DNAH5: variants seen among roughly 807,000 people sequenced by gnomAD.
DNAH5 encodes the protein dynein axonemal heavy chain 5.
A neutral mutation model predicts 518.2 loss-of-function variants in DNAH5; 372 were observed. The observed-to-expected ratio is 0.72, with a 90% CI of 0.66 to 0.78. DNAH5 has a LOEUF of 0.78. Among genes scored for constraint, DNAH5 ranks in the 30% least tolerant of loss-of-function variants. The pLI, the probability that DNAH5 is intolerant of heterozygous loss-of-function variation, is 0.00. For synonymous variants in DNAH5, 2,039 were observed against 2,025.9 expected, an observed-to-expected ratio of 1.01 and a Z score of -0.17; for missense variants, 5,523 against 5,687.0, an observed-to-expected ratio of 0.97 and a Z score of 0.93.
chr5:13,775,546 A>G (rs532860809), intron 55 of DNAH5, among the ~76,000 whole-genome samples: 75 of 152,316 alleles, frequency 4.9e-4, no homozygotes, highest in Non-Finnish European at 1.0e-3. Context: ...AGACAGACAG[A>G]CAGACAACCT....
intron 12 of DNAH5, among the ~76,000 whole-genome samples, chr5:13,903,006 A>C (rs1408146463): frequency 6.6e-6 from 1 of 152,240 alleles, no homozygotes; most frequent in African/African-American, 2.4e-5. Context: ...GAAGGAGCAG[A>C]ATGCACAAAC....
In DNAH5 at chr5:13,692,132, A is replaced by G. The variant is rs1740775378; in HGVS notation, c.13727T>C (p.Leu4576Ser). 6.2e-7 allele frequency: 1 copy of G among 1,613,888 alleles called. No homozygotes were observed. Among genetic ancestry groups the G allele is most frequent in the African/African-American group, 1.3e-5 (1 of 74,914 alleles). ...VIRIYAENNT[L>S]RDPRFYSCPI... The stretch of plus-strand genomic sequence containing the variant: ...ACAGGAGTAAAACCGAGGATCTCGT[A>G]AAGCTACAAAAAACATAAAAGAAAA... The change falls in exon 79 of 79, where the codon TTA becomes TCA. Residue 4576 changes from leucine (L) to serine (S), a missense_variant. Transcript: ENST00000265104.
rs1173924446 is a variant in DNAH5 at position 13,753,462 on chromosome 5, T to C, written c.10643A>G (p.Lys3548Arg). 1 of 1,614,068 alleles carries C rather than the reference T, an allele frequency of 6.2e-7. No homozygotes were observed. The highest frequency in any genetic ancestry group is 1.1e-5 in the South Asian group (1 of 91,082). Residue 3548 changes from lysine (K) to arginine (R), a missense_variant, in exon 63 of 79, where the codon AAG (lysine) becomes AGG (arginine). Coordinates refer to ENST00000265104, the MANE Select transcript of DNAH5 (RefSeq NM_001369.3). Reference sequence around the variant, plus strand: ...TGGAATTTTCCGGGCTTTCATTTCCTTCCGCCAGTCATTTAACAGAAGATC... The same window carrying C: ...TGGAATTTTCCGGGCTTTCATTTCCCTCCGCCAGTCATTTAACAGAAGATC... ...FRDLLLNDWR[K>R]EMKARKIPFG...
intron 16 of DNAH5, among the ~76,000 whole-genome samples, chr5:13,893,646 T>C (rs1397443908): frequency 1.3e-5 from 2 of 152,190 alleles, no homozygotes; most frequent in African/African-American, 4.8e-5. Context: ...AACAGCCTGA[T>C]ATTCAGGTCC....
At chr5:13,870,704 T>C (rs1161369384) in intron 24 of DNAH5, 63 bp downstream of exon 24, 1 of 1,414,938 alleles carries the variant, frequency 7.1e-7, no homozygotes, top group Non-Finnish European at 9.9e-7. Flanking sequence ...CCAGTCAATA[T>C]TTCAGCTAAT....
intron 38 of DNAH5, among the ~76,000 whole-genome samples, chr5:13,825,760 G>A (rs1264493175): frequency 6.6e-6 from 1 of 152,146 alleles, no homozygotes; most frequent in African/African-American, 2.4e-5. Flanking sequence ...AGTTTTTCAA[G>A]ATGAAAAAGT....
chr5:13,817,733 G>C (rs1441558875), intron 41 of DNAH5, 39 bp from the exon 42 acceptor site: 1 of 1,605,132 alleles, frequency 6.2e-7, no homozygotes, highest in East Asian at 2.2e-5. Context: ...ATCTCAGATG[G>C]GAAGTGAACC....
intron 52 of DNAH5, among the ~76,000 whole-genome samples, chr5:13,783,305 T>C (rs1248823952): frequency 6.6e-6 from 1 of 152,118 alleles, no homozygotes. Context: ...TTAGGGCTTA[T>C]TTGGGGGACT....
intron 31 of DNAH5, among the ~76,000 whole-genome samples, chr5:13,846,524 C>T (rs1580552823): frequency 6.6e-6 from 1 of 152,258 alleles, no homozygotes; most frequent in African/African-American, 2.4e-5. Flanking sequence ...CTGCTGGACT[C>T]GTTTTGCTGA....
chr5:13,922,261 G>C lies in DNAH5; in HGVS notation c.506C>G (p.Ser169Trp). The change falls in exon 5 of 79, where the codon TCG becomes TGG. Residue 169 changes from serine (S) to tryptophan (W), a missense_variant. By Grantham distance (177) the Ser-to-Trp change is radical. This residue lies in a region of DNAH5 where 5,121 missense variants were observed against 5,223.3 expected (regional missense o/e 0.98). Transcript: ENST00000265104. ...TCTGAGAGCAGGAATGAAGATGTCC[G>C]ACAGCAAACGTCTCACACTGTTGAG... ...GLLNSVRRLL[S>W]DIFIPALRAT... The C allele has an allele frequency of 6.2e-7, 1 of 1,613,792 alleles. No individual in the cohort carries two copies. The highest frequency in any genetic ancestry group is 8.5e-7 in the Non-Finnish European group (1 of 1,179,900).
intron 47 of DNAH5, among the ~76,000 whole-genome samples, chr5:13,802,015 A>G (rs572801610): frequency 1.3e-5 from 2 of 152,226 alleles, no homozygotes; most frequent in African/African-American, 2.4e-5. Flanking sequence ...ATATTGATTT[A>G]GATGAGTGAT....
Position 13,909,528 on chromosome 5 carries a change from G to A in DNAH5, c.1644+1858C>T, listed in dbSNP as rs1419219363. ...AGCCTTTCCTAACCCCAGCCAAGCA[G>A]AAGTATCAGATTATCTTTCCCTAGG... On this transcript the variant is annotated intron_variant, in intron 12 of 78. Coordinates refer to ENST00000265104, the MANE Select transcript of DNAH5 (RefSeq NM_001369.3). 2.0e-5 allele frequency among the ~76,000 whole-genome samples: 3 copies of A among 152,092 alleles called. No individual in the cohort carries two copies. In the East Asian group the frequency reaches 5.8e-4, roughly 30 times the overall value.
intron 76 of DNAH5, among the ~76,000 whole-genome samples, chr5:13,705,195 C>T (rs977995403): frequency 1.3e-5 from 2 of 151,990 alleles, no homozygotes; most frequent in African/African-American, 2.4e-5. Context: ...GGGGTTTCAC[C>T]GTGCTAGCCA....
At chr5:13,901,684 A>T (rs2151963601) in intron 13 of DNAH5, 111 bp from the exon 14 acceptor site, 1 of 686,950 alleles carries the variant, frequency 1.5e-6, no homozygotes, top group South Asian at 2.5e-5. Context: ...TAAAATGCTA[A>T]TGGAAAAGAA....
intron 34 of DNAH5, among the ~76,000 whole-genome samples, chr5:13,839,995 C>T (rs147747005): frequency 1.3e-5 from 2 of 152,166 alleles, no homozygotes; most frequent in African/African-American, 2.4e-5. Context: ...AGAATTACAT[C>T]GGGCCAAAAT....
chr5:13,749,847 G>T (rs767342422), intron 65 of DNAH5, among the ~76,000 whole-genome samples: 1 of 152,130 alleles, frequency 6.6e-6, no homozygotes, highest in Non-Finnish European at 1.5e-5. Context: ...CCTCTATTGA[G>T]ATTTAACTCG....
rs1580544800 is a variant in DNAH5, at chr5:13,845,145, AT to A, written c.5115-153del. 29 of 737,208 alleles carry A rather than the reference AT, an allele frequency of 3.9e-5. 1 individual carries two copies. In the East Asian group the frequency reaches 7.6e-4, roughly 19 times the overall value. 45.7% of individuals were successfully genotyped at this position (737,208 alleles called of 1,614,324 possible). ...ACTTCTCACTGTTTTTAATTTTTCA[AT>A]TTTTTAAGAATGTTTTCAAATAACA... On this transcript the variant is annotated intron_variant, in intron 31 of 78. Coordinates refer to ENST00000265104, the MANE Select transcript of DNAH5 (RefSeq NM_001369.3).
chr5:13,894,772 A>G lies in DNAH5; in HGVS notation c.2309T>C (p.Ile770Thr), dbSNP rs1259505136. The change falls in exon 16 of 79, where the codon ATT becomes ACT. Residue 770 changes from isoleucine (I) to threonine (T), a missense_variant. Coordinates refer to ENST00000265104, the MANE Select transcript of DNAH5 (RefSeq NM_001369.3). ...CAAGTGAGGGACAATCAATTGCTCA[A>G]TGGCAGCAGGTATTTTTGACTTCAC... is the stretch of plus-strand genomic sequence containing the variant. The part of the protein sequence containing the change: ...QRVKSKIPAA[I>T]EQLIVPHLAK... 6.2e-7 allele frequency: 1 copy of G among 1,614,122 alleles called. No individual in the cohort carries two copies. The highest frequency in any genetic ancestry group is 1.1e-5 in the South Asian group (1 of 91,088).
At chr5:13,749,909 A>G (rs1279209320) in intron 65 of DNAH5, among the ~76,000 whole-genome samples, 1 of 152,230 alleles carries the variant, frequency 6.6e-6, no homozygotes, top group African/African-American at 2.4e-5. Flanking sequence ...TTACCACAAC[A>G]GCAACCCAGT....
Sources: allele counts gnomAD v4.1 joint callset (sites outside exome capture counted in the v4.1 genomes callset), GRCh38; gene constraint gnomAD v4.1.1; regional missense constraint gnomAD v4.1.1; transcripts MANE v1.5; gene names NCBI Gene and HGNC (gene_info 2026-07-23, HGNC 2026-07-21).